Variants in ABTB2 observed in about 807,000 individuals in gnomAD.
ABTB2 encodes ankyrin repeat and BTB domain containing 2, also known as ankyrin repeat and BTB/POZ domain-containing protein 2.
In ABTB2, 56 loss-of-function variants were observed where a neutral mutation model predicts 104.1. That is an observed-to-expected ratio of 0.54 (90% CI 0.43 to 0.67). The LOEUF is 0.67. Among genes scored for constraint, ABTB2 ranks in the 30% least tolerant of loss-of-function variants. The pLI, the probability that ABTB2 is intolerant of heterozygous loss-of-function variation, is 0.00. For synonymous variants in ABTB2, 606 were observed against 608.2 expected (o/e 1.00, Z 0.05); for missense variants, 1,279 against 1,407.7 (o/e 0.91, Z 1.46).
At chr11:34,274,706 G>A (rs1356052071) in intron 1 of ABTB2, among the ~76,000 whole-genome samples, 1 of 152,024 alleles carries the variant, frequency 6.6e-6, no homozygotes, top group South Asian at 2.1e-4. Flanking sequence ...TTGTGTCTAG[G>A]TGGGAGGTAT....
intron 1 of ABTB2, among the ~76,000 whole-genome samples, chr11:34,262,538 C>T (rs568064792): frequency 3.7e-4 from 57 of 152,216 alleles, no homozygotes; most frequent in South Asian, 3.7e-3. Flanking sequence ...CTGTGGGTAT[C>T]GTCCAATTAC....
chr11:34,205,882 TA>T (rs1042931982), intron 1 of ABTB2, among the ~76,000 whole-genome samples: 1 of 152,158 alleles, frequency 6.6e-6, no homozygotes, highest in African/African-American at 2.4e-5. Flanking sequence ...CATCATCTGT[TA>T]ACTAGAGATA....
At chr11:34,182,497 T>TGGGGGGGG (rs1157886289) in intron 3 of ABTB2, among the ~76,000 whole-genome samples, 2 of 69,928 alleles carry the variant, frequency 2.9e-5, no homozygotes, top group African/African-American at 8.6e-5. Context: ...TTGGGTTCTC[T>TGGGGGGGG]GGGGGGGGGG....
intron 1 of ABTB2, among the ~76,000 whole-genome samples, chr11:34,247,850 C>T (rs965608750): frequency 6.6e-6 from 1 of 152,150 alleles, no homozygotes; most frequent in African/African-American, 2.4e-5. Flanking sequence ...AAGTAATTAT[C>T]GGCACCATTT....
chr11:34,197,606 C>T (rs1376309215), intron 2 of ABTB2, 68 bp from the exon 3 acceptor site: 1 of 1,124,574 alleles, frequency 8.9e-7, no homozygotes, highest in African/African-American at 1.6e-5. Context: ...AGTTCACAGC[C>T]TGCATTCTTC....
rs538105764 is a variant in ABTB2, at chr11:34,313,128, G to C, written c.883+43573C>G. Among the ~76,000 whole-genome samples, 4 of 152,356 alleles carry C rather than the reference G, an allele frequency of 2.6e-5. No homozygotes were observed. The East Asian group carries it at 7.7e-4, about 29-fold the overall frequency. ...AAGAGTTAACAATAGCTCACTGTCA[G>C]TGGAACAATTTATACAGGAGCCCAT... On this transcript the variant is annotated intron_variant, in intron 1 of 16. Coordinates refer to ENST00000435224, the MANE Select transcript of ABTB2 (RefSeq NM_145804.3).
chr11:34,262,606 A>T (rs1038267441), intron 1 of ABTB2, among the ~76,000 whole-genome samples: 8 of 152,064 alleles, frequency 5.3e-5, no homozygotes, highest in African/African-American at 1.9e-4. Flanking sequence ...TCCCCAGTGG[A>T]TTTTTCTTCC....
At chr11:34,286,372 G>A (rs1261322116) in intron 1 of ABTB2, among the ~76,000 whole-genome samples, 10 of 151,830 alleles carry the variant, frequency 6.6e-5, no homozygotes, top group Non-Finnish European at 8.8e-5. Flanking sequence ...GGCTCACTGC[G>A]ACCTCTGCCT....
chr11:34,159,268 G>C, intron 14 of ABTB2, 28 bp downstream of exon 14: 13 of 1,569,624 alleles, frequency 8.3e-6, no homozygotes, highest in Non-Finnish European at 1.1e-5. Context: ...ATCCCTCTGA[G>C]AAGAGGGCGG....
chr11:34,297,091 T>C (rs1417179953), intron 1 of ABTB2, among the ~76,000 whole-genome samples: 2 of 152,190 alleles, frequency 1.3e-5, no homozygotes, highest in Non-Finnish European at 2.9e-5. Flanking sequence ...GAAAACACAT[T>C]TTAAAAGTAT....
At chr11:34,157,767 C>A (rs1852650271) in intron 14 of ABTB2, among the ~76,000 whole-genome samples, 1 of 152,216 alleles carries the variant, frequency 6.6e-6, no homozygotes, top group Non-Finnish European at 1.5e-5. Flanking sequence ...TTCCCTCCAT[C>A]CCCCCAGCCA....
intron 1 of ABTB2, among the ~76,000 whole-genome samples, chr11:34,259,963 C>G (rs1237362564): frequency 6.6e-6 from 1 of 152,118 alleles, no homozygotes; most frequent in Non-Finnish European, 1.5e-5. Flanking sequence ...CACCACCACA[C>G]TTGGCTAATT....
intron 1 of ABTB2, among the ~76,000 whole-genome samples, chr11:34,210,951 T>C (rs1321162694): frequency 2.6e-5 from 4 of 151,746 alleles, no homozygotes; most frequent in Non-Finnish European, 5.9e-5. Context: ...TAAAATTTTT[T>C]TATTTTTAAG....
intron 1 of ABTB2, among the ~76,000 whole-genome samples, chr11:34,248,083 C>G (rs1854006392): frequency 1.2e-5 from 1 of 83,802 alleles, no homozygotes; most frequent in Admixed American, 1.3e-4. Context: ...ATTTACTTAT[C>G]TATAATTTTT....
intron 1 of ABTB2, among the ~76,000 whole-genome samples, chr11:34,302,635 A>G (rs1276321557): frequency 1.3e-5 from 2 of 152,204 alleles, no homozygotes; most frequent in African/African-American, 2.4e-5. Flanking sequence ...TGAATGAGTC[A>G]GTGTTTGTGG....
rs1391039245 is a variant in ABTB2 at position 34,357,365 on chromosome 11, C to T, written c.219G>A (p.Thr73=). Reference sequence around the variant, plus strand: ...CCACTTCGGGGTCCTCGGGCAGCACCGTGTTCACCGTGTCCCAGCTGTTGT... The same window carrying T: ...CCACTTCGGGGTCCTCGGGCAGCACTGTGTTCACCGTGTCCCAGCTGTTGT... ...SRHNSWDTVN[T]VLPEDPEVAD... Residue 73 remains threonine (T), a synonymous_variant, in exon 1 of 17, where the codon ACG becomes ACA. Transcript: ENST00000435224. 7.8e-6 allele frequency: 12 copies of T among 1,539,334 alleles called. No homozygotes were observed. The highest frequency in any genetic ancestry group is 9.7e-6 in the Non-Finnish European group (11 of 1,139,194).
At chr11:34,288,931 C>T (rs1854535425) in intron 1 of ABTB2, among the ~76,000 whole-genome samples, 1 of 152,176 alleles carries the variant, frequency 6.6e-6, no homozygotes, top group South Asian at 2.1e-4. Flanking sequence ...ACTCCCAATC[C>T]CTACCTCTGC....
At chr11:34,207,601 G>A (rs1288093785) in intron 1 of ABTB2, among the ~76,000 whole-genome samples, 1 of 152,192 alleles carries the variant, frequency 6.6e-6, no homozygotes, top group Non-Finnish European at 1.5e-5. Flanking sequence ...CTTACTATGT[G>A]CCAGGCACTT....
rs1225301988 is a variant in ABTB2, at chr11:34,160,945, G to T, written c.2355C>A (p.Thr785=). ...REEEYNEELV[T]EGLQLMFDIL... ...TGTCGAACATGAGCTGCAAGCCCTCGGTCACCAGCTCCTCGTTGTACTCCT... is the reference window on the plus strand; with the variant it reads ...TGTCGAACATGAGCTGCAAGCCCTCTGTCACCAGCTCCTCGTTGTACTCCT... Residue 785 remains threonine, a synonymous_variant, in exon 11 of 17, where the codon ACC becomes ACA. Coordinates refer to ENST00000435224, the MANE Select transcript of ABTB2 (RefSeq NM_145804.3). 6.2e-7 allele frequency: 1 copy of T among 1,612,808 alleles called. No homozygotes were observed. Among genetic ancestry groups the T allele is most frequent in the South Asian group, 1.1e-5 (1 of 91,022 alleles).
Sources: allele counts gnomAD v4.1 joint callset (sites outside exome capture counted in the v4.1 genomes callset), GRCh38; gene constraint gnomAD v4.1.1; transcripts MANE v1.5; gene names NCBI Gene and HGNC (gene_info 2026-07-23, HGNC 2026-07-21).